Variants in CELF4 observed in about 807,000 individuals in gnomAD.
The protein encoded by CELF4 is CUGBP Elav-like family member 4, also known as CUG-BP- and ETR-3-like factor 4.
CELF4 carries 18 observed loss-of-function variants against 59.9 expected under a neutral mutation model. The ratio of observed to expected loss-of-function variants is 0.30; its 90% CI spans 0.21 to 0.45. The LOEUF (loss-of-function observed/expected upper bound fraction) is 0.45, where lower values mean the gene tolerates loss of function less well. CELF4 is among the 20% of genes least tolerant of loss of function. CELF4 has a pLI of 1.00. For synonymous variants in CELF4, 261 were observed against 267.1 expected, an observed-to-expected ratio of 0.98 and a Z score of 0.22; for missense variants, 456 against 689.0, an observed-to-expected ratio of 0.66 and a Z score of 3.79.
intron 3 of CELF4, among the ~76,000 whole-genome samples, chr18:37,306,737 T>C (rs1223603717): frequency 2.0e-5 from 3 of 152,018 alleles, no homozygotes; most frequent in Non-Finnish European, 1.5e-5. Flanking sequence ...TAAAAGGAAA[T>C]GTCCCAGTTG....
chr18:37,317,816 T>G (rs2096920438), intron 3 of CELF4, among the ~76,000 whole-genome samples: 1 of 152,198 alleles, frequency 6.6e-6, no homozygotes, highest in South Asian at 2.1e-4. Context: ...GCCTCTCCTG[T>G]GCACACAGAC....
chr18:37,269,616 C>G (rs1162375317), intron 8 of CELF4, among the ~76,000 whole-genome samples: 2 of 152,178 alleles, frequency 1.3e-5, no homozygotes, highest in Non-Finnish European at 2.9e-5. Flanking sequence ...CCAGGCAGGT[C>G]CCTCCAAAGG....
rs570473506 is a variant in CELF4 at position 37,487,360 on chromosome 18, C to G, written c.287-1753G>C. On this transcript the variant is annotated intron_variant, in intron 1 of 12. Coordinates refer to ENST00000420428, the MANE Select transcript of CELF4 (RefSeq NM_020180.4). ...GAGAAAAGCCTGGGAGACAGAAACT[C>G]TCAGCTCCCAGTGCCCCCTCTGCCT... Among the ~76,000 whole-genome samples, 108 of 152,340 alleles carry G rather than the reference C, an allele frequency of 7.1e-4. 1 individual carries two copies. The highest frequency in any genetic ancestry group is 2.2e-3 in the African/African-American group (91 of 41,586).
intron 1 of CELF4, among the ~76,000 whole-genome samples, chr18:37,486,963 G>A (rs2099882548): frequency 1.3e-5 from 2 of 152,340 alleles, no homozygotes; most frequent in South Asian, 4.1e-4. Context: ...TCCCCAGCCA[G>A]TCTCCACAGC....
At chr18:37,417,668 T>C (rs547446820) in intron 2 of CELF4, among the ~76,000 whole-genome samples, 6 of 152,272 alleles carry the variant, frequency 3.9e-5, no homozygotes, top group East Asian at 3.9e-4. Flanking sequence ...TCAGGTCAAA[T>C]AGGAGAGAGA....
intron 1 of CELF4, among the ~76,000 whole-genome samples, chr18:37,530,238 CTCTA>C (rs1247441223): frequency 1.3e-5 from 2 of 152,210 alleles, no homozygotes; most frequent in Non-Finnish European, 2.9e-5. Flanking sequence ...CTCACCACAA[CTCTA>C]TCAGGCTTTT....
chr18:37,431,000 T>C (rs1273713137), intron 2 of CELF4, among the ~76,000 whole-genome samples: 3 of 152,180 alleles, frequency 2.0e-5, no homozygotes, highest in African/African-American at 7.2e-5. Flanking sequence ...AACTTGGCCT[T>C]AGGCCTGGCT....
intron 2 of CELF4, among the ~76,000 whole-genome samples, chr18:37,433,348 A>G (rs1020102831): frequency 6.6e-6 from 1 of 152,112 alleles, no homozygotes; most frequent in Non-Finnish European, 1.5e-5. Context: ...CTGATGTCCC[A>G]TGCCCTGCTC....
At chr18:37,495,738 T>C (rs2099924434) in intron 1 of CELF4, among the ~76,000 whole-genome samples, 1 of 151,810 alleles carries the variant, frequency 6.6e-6, no homozygotes, top group African/African-American at 2.4e-5. Flanking sequence ...CTCAGAGGAC[T>C]CTGTCCTTAG....
At chr18:37,424,119 T>G in intron 2 of CELF4, among the ~76,000 whole-genome samples, 1 of 152,168 alleles carries the variant, frequency 6.6e-6, no homozygotes, top group East Asian at 1.9e-4. Flanking sequence ...TGGCAATTAC[T>G]TTTGCACGAA....
intron 1 of CELF4, among the ~76,000 whole-genome samples, chr18:37,517,651 G>A (rs1334683840): frequency 1.3e-5 from 2 of 152,164 alleles, no homozygotes; most frequent in East Asian, 3.8e-4. Context: ...GCGTGGCTGT[G>A]GCACCCTCTC....
intron 2 of CELF4, among the ~76,000 whole-genome samples, chr18:37,404,455 G>A (rs1258803617): frequency 1.3e-5 from 2 of 152,234 alleles, no homozygotes; most frequent in Admixed American, 1.3e-4. Context: ...AGGATCTGGG[G>A]CATAGACACA....
chr18:37,457,267 C>G (rs919910632), intron 2 of CELF4, among the ~76,000 whole-genome samples: 4 of 152,174 alleles, frequency 2.6e-5, no homozygotes, highest in African/African-American at 9.6e-5. Flanking sequence ...CGTGGCCCCT[C>G]GCTGCCAGCT....
chr18:37,349,388 G>A (rs2098387720), intron 2 of CELF4, among the ~76,000 whole-genome samples: 1 of 152,248 alleles, frequency 6.6e-6, no homozygotes, highest in African/African-American at 2.4e-5. Context: ...GCCTGGAGAT[G>A]CGATGCCTTC....
At chr18:37,400,395 C>T (rs11662043) in intron 2 of CELF4, among the ~76,000 whole-genome samples, 56,941 of 152,070 alleles carry the variant, frequency 0.37, 11,736 homozygotes, top group East Asian at 0.65. Context: ...TGCACACACA[C>T]GTGTATATAG....
intron 1 of CELF4, among the ~76,000 whole-genome samples, chr18:37,559,605 T>C (rs762431488): frequency 7.2e-5 from 11 of 152,044 alleles, no homozygotes; most frequent in Non-Finnish European, 1.6e-4. Context: ...TCTCTTTAGG[T>C]GAGATCCCTT....
At chr18:37,549,891 T>G (rs1314647738) in intron 1 of CELF4, among the ~76,000 whole-genome samples, 1 of 152,204 alleles carries the variant, frequency 6.6e-6, no homozygotes, top group Non-Finnish European at 1.5e-5. Flanking sequence ...CATACAATTA[T>G]ATAATATCTT....
chr18:37,283,049 C>T (rs1258434466), intron 3 of CELF4, among the ~76,000 whole-genome samples: 1 of 152,078 alleles, frequency 6.6e-6, no homozygotes, highest in Admixed American at 6.5e-5. Flanking sequence ...ACCTGCTCTT[C>T]CCCGCCCCCA....
chr18:37,405,149 C>T (rs549917673), intron 2 of CELF4, among the ~76,000 whole-genome samples: 1 of 152,034 alleles, frequency 6.6e-6, no homozygotes, highest in Non-Finnish European at 1.5e-5. Context: ...CCTCATAGGA[C>T]ATGTTTTCCA....
Sources: gnomAD v4.1 joint callset for allele counts (sites outside exome capture counted in the v4.1 genomes callset) on GRCh38, gnomAD v4.1.1 for gene constraint, MANE v1.5 for transcripts, NCBI Gene and HGNC (gene_info 2026-07-23, HGNC 2026-07-21) for gene names.